Variants in PCDHA1 observed in about 807,000 individuals in gnomAD.
PCDHA1 encodes protocadherin alpha 1.
In PCDHA1, 42 loss-of-function variants were observed where a neutral mutation model predicts 61.3. The observed-to-expected ratio is 0.69, with a 90% CI of 0.54 to 0.89. PCDHA1 has a LOEUF of 0.89. Among genes scored for constraint, PCDHA1 ranks in the 40% least tolerant of loss-of-function variants. PCDHA1 has a pLI of 0.00. For missense variants in PCDHA1, 1,256 were observed against 1,235.3 expected (o/e 1.02, Z -0.25); for synonymous variants, 610 against 553.8 (o/e 1.10, Z -1.43).
chr5:140,827,954 T>A, intron 1 of PCDHA1: 1 of 1,280,932 alleles, frequency 7.8e-7, no homozygotes, highest in East Asian at 2.3e-5. Flanking sequence ...CATTCAAATT[T>A]CTTCTATTAC....
intron 1 of PCDHA1, among the ~76,000 whole-genome samples, chr5:140,945,754 G>T (rs1206591237): frequency 1.3e-5 from 2 of 152,078 alleles, no homozygotes; most frequent in African/African-American, 4.8e-5. Context: ...TTCAATAAAT[G>T]GTGGTGGGAC....
intron 3 of PCDHA1, among the ~76,000 whole-genome samples, chr5:140,994,140 A>G (rs768317904): frequency 7.2e-5 from 11 of 152,230 alleles, no homozygotes; most frequent in Non-Finnish European, 1.5e-4. Context: ...ATAATGCCCT[A>G]CGTAGGTAGG....
intron 1 of PCDHA1, among the ~76,000 whole-genome samples, chr5:140,879,152 A>C (rs1369330748): frequency 6.6e-6 from 1 of 152,210 alleles, no homozygotes; most frequent in African/African-American, 2.4e-5. Context: ...CAGGAAAGCT[A>C]TTTCTTTTTT....
At chr5:140,834,851 C>G (rs2150227943) in intron 1 of PCDHA1, 1 of 1,610,676 alleles carries the variant, frequency 6.2e-7, no homozygotes. Context: ...CACTAGAGGG[C>G]GCGTCCGATG....
intron 1 of PCDHA1, chr5:140,869,090 C>G (rs150845602): frequency 1.3e-6 from 2 of 1,589,674 alleles, no homozygotes; most frequent in African/African-American, 1.4e-5. Context: ...TTTTGGAAGC[C>G]AATTTCGTAT....
chr5:140,828,862 C>G (rs368773020), intron 1 of PCDHA1: 3 of 1,614,178 alleles, frequency 1.9e-6, no homozygotes, highest in Non-Finnish European at 2.5e-6. Flanking sequence ...ATGCAGACAA[C>G]GGAACAACAG....
intron 1 of PCDHA1, among the ~76,000 whole-genome samples, chr5:140,951,551 A>T (rs246040): frequency 0.31 from 47,721 of 151,608 alleles, 7,835 homozygotes; most frequent in East Asian, 0.53. Flanking sequence ...GACGGGGGGA[A>T]GTGCTACGCA....
rs2098422979 is a variant in PCDHA1, at chr5:141,012,116, T to C, written c.*2179T>C. The C allele has an allele frequency of 6.5e-6, 1 of 153,756 alleles. No individual in the cohort carries two copies. Among genetic ancestry groups the C allele is most frequent in the African/African-American group, 2.4e-5 (1 of 41,464 alleles). The allele number at this position is 153,756 out of a possible 1,614,324, so 9.5% of individuals were successfully genotyped here. ...GATCATTTTGCCCCACTGAAGCCCA[T>C]GTATCTGACCTTACGTGCCTTTTGA... On this transcript the variant is annotated 3_prime_UTR_variant, in exon 4 of 4. Coordinates refer to ENST00000504120, the MANE Select transcript of PCDHA1 (RefSeq NM_018900.4).
At chr5:140,892,624 A>C (rs1041078923) in intron 1 of PCDHA1, among the ~76,000 whole-genome samples, 28 of 152,166 alleles carry the variant, frequency 1.8e-4, no homozygotes, top group Non-Finnish European at 3.2e-4. Flanking sequence ...CAGTTGGTAC[A>C]TAATAATTGT....
At chr5:140,944,290 C>T (rs912018562) in intron 1 of PCDHA1, among the ~76,000 whole-genome samples, 8 of 152,124 alleles carry the variant, frequency 5.3e-5, no homozygotes, top group African/African-American at 9.7e-5. Flanking sequence ...CGGGCTCAAG[C>T]GATCCTCCTA....
intron 1 of PCDHA1, chr5:140,803,344 T>A: frequency 6.2e-7 from 1 of 1,614,200 alleles, no homozygotes; most frequent in Middle Eastern, 1.6e-4. Flanking sequence ...CTCACACTGC[T>A]GCTATATACT....
chr5:140,959,073 G>A (rs775479268), intron 1 of PCDHA1, among the ~76,000 whole-genome samples: 2 of 152,094 alleles, frequency 1.3e-5, no homozygotes, highest in Non-Finnish European at 2.9e-5. Flanking sequence ...ATAGAATTCA[G>A]TATTATCCTT....
intron 1 of PCDHA1, among the ~76,000 whole-genome samples, chr5:140,919,250 T>G (rs1471325437): frequency 6.6e-6 from 1 of 152,236 alleles, no homozygotes; most frequent in African/African-American, 2.4e-5. Flanking sequence ...TTGTCTGTTT[T>G]GTCTGATATT....
chr5:140,829,852 A>G, intron 1 of PCDHA1: 2 of 1,613,942 alleles, frequency 1.2e-6, no homozygotes, highest in Admixed American at 1.7e-5. Context: ...CACTGGGTGC[A>G]GGCCAAGTGG....
intron 1 of PCDHA1, chr5:140,829,701 C>T: frequency 1.2e-6 from 2 of 1,613,356 alleles, no homozygotes; most frequent in South Asian, 1.1e-5. Flanking sequence ...CAGGTGAGCG[C>T]GCGCGACGCG....
intron 1 of PCDHA1, chr5:140,876,824 A>G (rs1554168970): frequency 1.2e-6 from 2 of 1,614,116 alleles, no homozygotes; most frequent in Non-Finnish European, 1.7e-6. Context: ...GTGAACGACA[A>G]TGCGCCTGCG....
chr5:140,889,025 A>G (rs2062065518), intron 1 of PCDHA1, among the ~76,000 whole-genome samples: 1 of 152,068 alleles, frequency 6.6e-6, no homozygotes, highest in South Asian at 2.1e-4. Flanking sequence ...TTCCTTGGAT[A>G]ACCGTAATTT....
At chr5:140,964,227 G>A (rs1245581815) in intron 1 of PCDHA1, among the ~76,000 whole-genome samples, 1 of 152,222 alleles carries the variant, frequency 6.6e-6, no homozygotes, top group African/African-American at 2.4e-5. Context: ...CTTTCAAAAT[G>A]AGGCTGATTG....
In PCDHA1 at chr5:140,833,703, A is replaced by C. The variant is rs1170521350; in HGVS notation, c.2394+45019A>C. On this transcript the variant is annotated intron_variant, in intron 1 of 3. Transcript: ENST00000504120. ...AACCTTCTCTTATTTTGTTTTCCCA[A>C]GAGAAGTGTCTGGATAGTTGCTAAT... Among the ~76,000 whole-genome samples the C allele has an allele frequency of 3.9e-5, 6 of 152,270 alleles. No homozygotes were observed. In the South Asian group the frequency reaches 8.3e-4, roughly 21 times the overall value.
Sources: gnomAD v4.1 joint callset for allele counts (sites outside exome capture counted in the v4.1 genomes callset) on GRCh38, gnomAD v4.1.1 for gene constraint, MANE v1.5 for transcripts, NCBI Gene and HGNC (gene_info 2026-07-23, HGNC 2026-07-21) for gene names.